The following CD44 variants were observed in gnomAD, a reference collection of about 807,000 sequenced individuals.
The protein encoded by CD44 is CD44 molecule (IN blood group), also known as CD44 antigen.
In CD44, 49 loss-of-function variants were observed where a neutral mutation model predicts 88.8. That is an observed-to-expected ratio of 0.55 (90% CI 0.44 to 0.70). The LOEUF is 0.70. CD44 is among the 30% of genes least tolerant of loss of function. The probability of loss-of-function intolerance (pLI) is 0.00; values close to 1 mark genes in which losing one functional copy is unlikely to be tolerated. For missense variants in CD44, 883 were observed against 913.8 expected (o/e 0.97, Z 0.43); for synonymous variants, 325 against 312.3 (o/e 1.04, Z -0.43).
chr11:35,191,576 G>A (rs1475489961), intron 5 of CD44, among the ~76,000 whole-genome samples: 1 of 152,076 alleles, frequency 6.6e-6, no homozygotes, highest in African/African-American at 2.4e-5. Flanking sequence ...TATCATTATG[G>A]TAGGCAATTT....
intron 1 of CD44, among the ~76,000 whole-genome samples, chr11:35,159,962 A>G (rs1244236857): frequency 6.6e-6 from 1 of 152,162 alleles, no homozygotes; most frequent in Non-Finnish European, 1.5e-5. Context: ...AGAATTGAGG[A>G]GCTCAAAACA....
intron 3 of CD44, among the ~76,000 whole-genome samples, chr11:35,184,622 G>A (rs1945474669): frequency 6.6e-6 from 1 of 152,266 alleles, no homozygotes; most frequent in African/African-American, 2.4e-5. Flanking sequence ...ACTGTAAAAA[G>A]CTAAATTAAT....
rs552540058 is a variant in CD44 at position 35,228,466 on chromosome 11, A to G, written c.2025-663A>G. Among the ~76,000 whole-genome samples the G allele has an allele frequency of 1.1e-4, 17 of 152,356 alleles. No homozygotes were observed. The South Asian group carries it at 3.1e-3, about 28-fold the overall frequency. ...GAAGTTATGGGACTTTCTGGAATATACAAATCAGAATGATTTACAATCATC... is the reference window on the plus strand; with the variant it reads ...GAAGTTATGGGACTTTCTGGAATATGCAAATCAGAATGATTTACAATCATC... On this transcript the variant is annotated intron_variant, in intron 17 of 17. Coordinates refer to ENST00000428726, the MANE Select transcript of CD44 (RefSeq NM_000610.4).
In CD44 at chr11:35,201,079, C is replaced by T. The variant is rs777938045; in HGVS notation, c.923-3C>T. 1.6e-5 allele frequency: 25 copies of T among 1,603,004 alleles called. 1 individual carries two copies. Among genetic ancestry groups the T allele is most frequent in the Middle Eastern group, 3.3e-4 (2 of 6,068 alleles). ...CTAATTGCTTCAATCATCGTTATCA[C>T]AGTTTCAACCACACCACGGGCTTTT... is the stretch of plus-strand genomic sequence containing the variant. On this transcript the variant is annotated splice_polypyrimidine_tract_variant and splice_region_variant and intron_variant, in intron 7 of 17. Coordinates refer to ENST00000428726, the MANE Select transcript of CD44 (RefSeq NM_000610.4).
At chr11:35,195,372 T>C (rs547667922) in intron 5 of CD44, among the ~76,000 whole-genome samples, 8 of 152,146 alleles carry the variant, frequency 5.3e-5, no homozygotes, top group African/African-American at 1.9e-4. Flanking sequence ...ATAGTGCTCA[T>C]GTTATGTTAT....
intron 16 of CD44, among the ~76,000 whole-genome samples, chr11:35,219,727 A>G (rs1591328576): frequency 2.0e-5 from 3 of 152,330 alleles, no homozygotes; most frequent in Admixed American, 2.0e-4. Context: ...GGTCCTTTCT[A>G]TCCCAATCCA....
At chr11:35,141,674 T>C (rs1857974530) in intron 1 of CD44, among the ~76,000 whole-genome samples, 2 of 152,162 alleles carry the variant, frequency 1.3e-5, no homozygotes, top group South Asian at 4.1e-4. Context: ...GCAGTCTCCC[T>C]CCTGCCCCGT....
chr11:35,195,973 T>C (rs1424275794), intron 5 of CD44, among the ~76,000 whole-genome samples: 2 of 152,192 alleles, frequency 1.3e-5, no homozygotes, highest in Non-Finnish European at 2.9e-5. Context: ...TATGTCATTT[T>C]CCCTGTGTGT....
chr11:35,210,092 TAAGA>T, intron 13 of CD44, 38 bp downstream of exon 13: 2 of 1,200,650 alleles, frequency 1.7e-6, no homozygotes, highest in Non-Finnish European at 2.3e-6. Flanking sequence ...CAGCTATTGA[TAAGA>T]ATCAATCAAT....
intron 1 of CD44, among the ~76,000 whole-genome samples, chr11:35,155,429 G>A (rs1463284127): frequency 6.6e-6 from 1 of 152,166 alleles, no homozygotes; most frequent in African/African-American, 2.4e-5. Flanking sequence ...CTAAGTTTTT[G>A]TGCCTCTGTG....
At chr11:35,228,615 T>A (rs1357830233) in intron 17 of CD44, among the ~76,000 whole-genome samples, 1 of 152,246 alleles carries the variant, frequency 6.6e-6, no homozygotes, top group Admixed American at 6.5e-5. Context: ...AGGGTTTGAA[T>A]CCTCTTTCTT....
intron 1 of CD44, among the ~76,000 whole-genome samples, chr11:35,176,192 G>A (rs1190086888): frequency 7.2e-5 from 11 of 152,122 alleles, no homozygotes; most frequent in African/African-American, 2.4e-4. Context: ...ACAGGCGCCC[G>A]CCACCACGCC....
chr11:35,191,195 C>T (rs1416144978), intron 5 of CD44, among the ~76,000 whole-genome samples: 2 of 152,218 alleles, frequency 1.3e-5, no homozygotes. Flanking sequence ...ATACTCAAGA[C>T]AGGGCCCTTC....
At chr11:35,181,973 AT>A (rs1328650142) in intron 3 of CD44, among the ~76,000 whole-genome samples, 7 of 108,562 alleles carry the variant, frequency 6.4e-5, no homozygotes, top group African/African-American at 3.7e-5. Flanking sequence ...ATATATAAAT[AT>A]TATATATTAT....
intron 14 of CD44, among the ~76,000 whole-genome samples, chr11:35,211,847 C>T (rs539667809): frequency 1.5e-4 from 23 of 152,262 alleles, no homozygotes; most frequent in Non-Finnish European, 2.4e-4. Flanking sequence ...GACTAATATA[C>T]TCTACTTATT....
intron 9 of CD44, among the ~76,000 whole-genome samples, chr11:35,202,767 C>T (rs1333198829): frequency 2.0e-5 from 3 of 152,168 alleles, no homozygotes; most frequent in Non-Finnish European, 1.5e-5. Flanking sequence ...TCTTACATCC[C>T]ATTACAAACC....
chr11:35,140,822 C>A (rs1415857374), intron 1 of CD44, among the ~76,000 whole-genome samples: 2 of 152,054 alleles, frequency 1.3e-5, no homozygotes, highest in Admixed American at 6.5e-5. Context: ...GAGTTTGAGA[C>A]CAGCCTTGGC....
chr11:35,192,796 T>C (rs1365379875), intron 5 of CD44, among the ~76,000 whole-genome samples: 148 of 150,658 alleles, frequency 9.8e-4, no homozygotes, highest in Admixed American at 1.5e-3. Context: ...CTTTCTTTTT[T>C]TTTTTTTTTT....
intron 11 of CD44, among the ~76,000 whole-genome samples, chr11:35,206,664 G>T (rs1947874138): frequency 2.2e-5 from 2 of 91,844 alleles, no homozygotes; most frequent in Non-Finnish European, 4.0e-5. Context: ...GGTGGTGGGG[G>T]TTGGTGGGGG....
Sources: gnomAD v4.1 joint callset for allele counts (sites outside exome capture counted in the v4.1 genomes callset) on GRCh38, gnomAD v4.1.1 for gene constraint, MANE v1.5 for transcripts, NCBI Gene and HGNC (gene_info 2026-07-23, HGNC 2026-07-21) for gene names.